Variants in RIN3 observed in about 807,000 individuals in gnomAD.
The protein encoded by RIN3 is Ras and Rab interactor 3, also known as RAB5 interacting protein 3.
Under a neutral mutation model 76.3 loss-of-function variants are expected in RIN3, and 54 were observed. That is an observed-to-expected ratio of 0.71 (90% confidence interval 0.57 to 0.89). The LOEUF (loss-of-function observed/expected upper bound fraction) is 0.89. Among genes scored for constraint, RIN3 ranks in the 40% least tolerant of loss-of-function variants. The pLI is 0.00. For missense variants in RIN3, 1,256 were observed against 1,322.1 expected (o/e 0.95, Z 0.78); for synonymous variants, 576 against 564.0 (o/e 1.02, Z -0.30).
At chr14:92,533,089 A>G (rs573145380) in intron 1 of RIN3, among the ~76,000 whole-genome samples, 123 of 152,344 alleles carry the variant, frequency 8.1e-4, no homozygotes, top group Non-Finnish European at 1.4e-3. Context: ...CTCAACATGC[A>G]TATAGTTTTC....
rs541111270 is a variant in RIN3, at chr14:92,568,447, G to A, written c.250-8913G>A. Among the ~76,000 whole-genome samples the A allele has an allele frequency of 5.9e-5, 9 of 152,338 alleles. No homozygotes were observed. Among genetic ancestry groups the A allele is most frequent in the South Asian group, 4.1e-4 (2 of 4,828 alleles). On this transcript the variant is annotated intron_variant, in intron 2 of 9. Transcript: ENST00000216487. This position sits in a 1 kb window ranked among gnomAD's most constrained non-coding sequence, Gnocchi z 4.2. Reference sequence around the variant, plus strand: ...TAAAATGTTCTTCAGGCATCACTGCGGCACAGTGATGCTGTTTTTGAGGTG... The same window carrying A: ...TAAAATGTTCTTCAGGCATCACTGCAGCACAGTGATGCTGTTTTTGAGGTG...
In RIN3 at chr14:92,660,243, G is replaced by A. The variant is rs530354217; in HGVS notation, c.2335+774G>A. ...CTGGATCAGGCGTGCCTGAGCTTGC[G>A]TGGGCTTATTCATGGATCTGTGGTC... On this transcript the variant is annotated intron_variant, in intron 7 of 9. Transcript: ENST00000216487. Among the ~76,000 whole-genome samples, 11 of 152,372 alleles carry A rather than the reference G, an allele frequency of 7.2e-5. No individual in the cohort carries two copies. In the South Asian group the frequency reaches 1.2e-3, roughly 17 times the overall value.
At chr14:92,606,148 A>C (rs1434292808) in intron 3 of RIN3, among the ~76,000 whole-genome samples, 2 of 139,974 alleles carry the variant, frequency 1.4e-5, no homozygotes, top group African/African-American at 5.5e-5. Flanking sequence ...CCAGTCTCAA[A>C]AAAAAAAAAA....
At chr14:92,538,871 G>A (rs1364535187) in intron 1 of RIN3, among the ~76,000 whole-genome samples, 3 of 152,064 alleles carry the variant, frequency 2.0e-5, no homozygotes, top group African/African-American at 4.8e-5. Flanking sequence ...TGCTAATTCT[G>A]TAGCCCTAGT....
chr14:92,576,868 A>C (rs1461567003), intron 2 of RIN3, among the ~76,000 whole-genome samples: 3 of 152,120 alleles, frequency 2.0e-5, no homozygotes, highest in African/African-American at 7.2e-5. Context: ...AATGGTGTGA[A>C]TTGACTAATA....
At chr14:92,604,008 G>T (rs1404112316) in intron 3 of RIN3, among the ~76,000 whole-genome samples, 1 of 152,376 alleles carries the variant, frequency 6.6e-6, no homozygotes, top group Non-Finnish European at 1.5e-5. Context: ...CCACAAACTG[G>T]CCAAGTGGTG....
intron 2 of RIN3, among the ~76,000 whole-genome samples, chr14:92,575,756 C>G (rs185221376): frequency 6.6e-6 from 1 of 152,098 alleles, no homozygotes; most frequent in African/African-American, 2.4e-5. Flanking sequence ...GGGTTTGGGC[C>G]GGCTTCTTTA....
chr14:92,588,669 T>C (rs1884869089), intron 3 of RIN3, among the ~76,000 whole-genome samples: 2 of 152,132 alleles, frequency 1.3e-5, no homozygotes, highest in Non-Finnish European at 2.9e-5. Flanking sequence ...CATAGGAATT[T>C]GGGGGGACAC....
intron 2 of RIN3, among the ~76,000 whole-genome samples, chr14:92,556,229 G>A (rs1192421575): frequency 6.6e-6 from 1 of 152,068 alleles, no homozygotes; most frequent in African/African-American, 2.4e-5. Context: ...GGGCATTTGG[G>A]CACCTGAGAG....
chr14:92,543,644 T>TA (rs1446602071), intron 1 of RIN3, among the ~76,000 whole-genome samples: 2 of 82,694 alleles, frequency 2.4e-5, no homozygotes, highest in African/African-American at 1.0e-4. Flanking sequence ...TTTTTTTTTT[T>TA]AAATCTTGGC....
chr14:92,655,408 G>A (rs1887632829), intron 6 of RIN3, among the ~76,000 whole-genome samples: 1 of 152,224 alleles, frequency 6.6e-6, no homozygotes, highest in Non-Finnish European at 1.5e-5. Context: ...GTAAAGTATA[G>A]TGTAAGGAGA....
At chr14:92,620,485 G>A (rs543210409) in intron 4 of RIN3, among the ~76,000 whole-genome samples, 92 of 152,042 alleles carry the variant, frequency 6.1e-4, no homozygotes, top group Non-Finnish European at 1.1e-3. Context: ...AATTCCTCTG[G>A]GCCCGACAAA....
intron 2 of RIN3, among the ~76,000 whole-genome samples, chr14:92,564,500 T>C (rs979472293): frequency 6.6e-6 from 1 of 152,128 alleles, no homozygotes; most frequent in Non-Finnish European, 1.5e-5. Context: ...AGTCTTGGAA[T>C]TGTTCAGCCT....
At chr14:92,647,132 C>G (rs1181059183) in intron 5 of RIN3, among the ~76,000 whole-genome samples, 1 of 152,176 alleles carries the variant, frequency 6.6e-6, no homozygotes, top group Non-Finnish European at 1.5e-5. Context: ...CAAAGAGTTG[C>G]ACCAGGCCTG....
intron 7 of RIN3, among the ~76,000 whole-genome samples, chr14:92,672,250 A>T (rs928965837): frequency 2.0e-5 from 3 of 152,114 alleles, no homozygotes; most frequent in Non-Finnish European, 2.9e-5. Flanking sequence ...TACTAAAAAA[A>T]AAAATACAAA....
intron 4 of RIN3, among the ~76,000 whole-genome samples, chr14:92,639,726 G>A (rs538636951): frequency 2.6e-5 from 4 of 152,208 alleles, no homozygotes; most frequent in Admixed American, 6.5e-5. Context: ...CCATTAGTCC[G>A]AACTCCTTCT....
At chr14:92,675,142 A>C (rs1478834292) in intron 7 of RIN3, among the ~76,000 whole-genome samples, 1 of 152,194 alleles carries the variant, frequency 6.6e-6, no homozygotes, top group Non-Finnish European at 1.5e-5. Context: ...GGACAGTGAG[A>C]ATGTAACTGT....
intron 4 of RIN3, among the ~76,000 whole-genome samples, chr14:92,616,488 T>A (rs901890902): frequency 8.5e-5 from 13 of 152,164 alleles, no homozygotes; most frequent in African/African-American, 2.9e-4. Context: ...GAATCAGCCT[T>A]ATGTTCCCTG....
At position 92,542,110 on chromosome 14, in the gene RIN3, T is replaced by C. The variant is rs1476359522; in HGVS notation, c.45-13641T>C. Among the ~76,000 whole-genome samples the C allele has an allele frequency of 3.3e-5, 5 of 152,148 alleles. No individual in the cohort carries two copies. In the East Asian group the frequency reaches 7.7e-4, roughly 24 times the overall value. ...GAGTTTGAGACCAGCCTGGGCAACATAGACCCTGTCTGTACAAAAAATAAA... is the reference window on the plus strand; with the variant it reads ...GAGTTTGAGACCAGCCTGGGCAACACAGACCCTGTCTGTACAAAAAATAAA... On this transcript the variant is annotated intron_variant, in intron 1 of 9. Transcript: ENST00000216487.
Sources: allele counts gnomAD v4.1 joint callset (sites outside exome capture counted in the v4.1 genomes callset), GRCh38; gene constraint gnomAD v4.1.1; non-coding constraint Gnocchi (gnomAD v3.1); transcripts MANE v1.5; gene names NCBI Gene and HGNC (gene_info 2026-07-23, HGNC 2026-07-21).